WDR33: variants seen among roughly 807,000 people sequenced by gnomAD.
The protein encoded by WDR33 is WD repeat domain 33.
A neutral mutation model predicts 164.9 loss-of-function variants in WDR33; 47 were observed. That is an observed-to-expected ratio of 0.29 (90% CI 0.23 to 0.36). The LOEUF (loss-of-function observed/expected upper bound fraction) is 0.36, where lower values mean the gene tolerates loss of function less well. WDR33 is among the 10% of genes least tolerant of loss of function. The probability of loss-of-function intolerance (pLI) is 1.00; values close to 1 mark genes in which losing one functional copy is unlikely to be tolerated. For synonymous variants in WDR33, 505 were observed against 589.0 expected (o/e 0.86, Z 2.06); for missense variants, 1,137 against 1,754.1 (o/e 0.65, Z 6.28).
Position 127,768,969 on chromosome 2 carries a change from C to G in WDR33, c.237G>C (p.Met79Ile), listed in dbSNP as rs754170154. The change falls in exon 3 of 22, where the codon ATG becomes ATC. Residue 79 changes from methionine (M) to isoleucine (I), a missense_variant. Physicochemically the swap from Met to Ile is conservative, Grantham distance 10. Transcript: ENST00000322313. ...AACCTGCATCAGGCTGAATTGCCCG[C>G]ATATCTCTCTGGTCTCTTTGCCATA... ...NRIWQRDQRD[M>I]RAIQPDAGYY... The G allele has an allele frequency of 1.3e-6, 2 of 1,586,420 alleles. No individual in the cohort carries two copies. The highest frequency in any genetic ancestry group is 1.7e-6 in the Non-Finnish European group (2 of 1,167,678).
intron 4 of WDR33, among the ~76,000 whole-genome samples, chr2:127,765,609 A>G (rs1383794220): frequency 6.6e-6 from 1 of 152,200 alleles, no homozygotes; most frequent in African/African-American, 2.4e-5. Flanking sequence ...CGATAGACTA[A>G]CATAAATAAG....
chr2:127,739,615 T>C (rs1329252224), intron 7 of WDR33, among the ~76,000 whole-genome samples: 1 of 152,212 alleles, frequency 6.6e-6, no homozygotes, highest in African/African-American at 2.4e-5. Flanking sequence ...AAAATGGAGA[T>C]TATTACCCAA....
intron 1 of WDR33, among the ~76,000 whole-genome samples, chr2:127,799,265 ACTT>A (rs1433198946): frequency 6.6e-6 from 1 of 152,108 alleles, no homozygotes; most frequent in African/African-American, 2.4e-5. Context: ...AAAATTGGAA[ACTT>A]CTTTGCTTCA....
rs896473849 is a variant in WDR33 at position 127,710,806 on chromosome 2, C to A, written c.3309-950G>T. 6.6e-6 allele frequency among the ~76,000 whole-genome samples: 1 copy of A among 152,188 alleles called. No homozygotes were observed. The highest frequency in any genetic ancestry group is 2.4e-5 in the African/African-American group (1 of 41,450). ...TCTTCCTCAGGTTTCCATTCCATTG[C>A]CTTTATCCTAATCTTCTACTTGGAA... On this transcript the variant is annotated intron_variant, in intron 18 of 21. Coordinates refer to ENST00000322313, the MANE Select transcript of WDR33 (RefSeq NM_018383.5). The surrounding 1 kb of genome is among the most constrained non-coding windows in gnomAD (Gnocchi z 4.4).
Position 127,763,674 on chromosome 2 carries a change from T to C in WDR33, c.627-515A>G. Reference sequence around the variant, plus strand: ...GTTTCTCATCCATTTCAAAGGTCTGTAGAAAAGTTTCACATCTTCCTGGCA... The same window carrying C: ...GTTTCTCATCCATTTCAAAGGTCTGCAGAAAAGTTTCACATCTTCCTGGCA... On this transcript the variant is annotated intron_variant, in intron 6 of 21. Transcript: ENST00000322313. The surrounding 1 kb of genome is among the most constrained non-coding windows in gnomAD (Gnocchi z 4.5). The C allele has an allele frequency of 1.0e-6, 1 of 985,844 alleles. No homozygotes were observed. Among genetic ancestry groups the C allele is most frequent in the Non-Finnish European group, 1.2e-6 (1 of 830,262 alleles). The allele number at this position is 985,844 out of a possible 1,614,324, so 61.1% of individuals were successfully genotyped here.
Position 127,709,734 on chromosome 2 carries a change from C to A in WDR33, c.3431G>T (p.Arg1144Leu). The change falls in exon 19 of 22, where the codon CGA becomes CTA. Residue 1144 changes from arginine to leucine, a missense_variant. Physicochemically the swap from Arg to Leu is moderately radical, Grantham distance 102. Around this residue, in one of 9 missense-constraint regions of WDR33, gnomAD observed 867 missense variants for 1,073.0 expected, o/e 0.81. Transcript: ENST00000322313. The surrounding 1 kb of genome is among the most constrained non-coding windows in gnomAD (Gnocchi z 5.0). ...ENFDASEEAARGRDLRGRGRG... is the reference protein window; with the variant it reads ...ENFDASEEAALGRDLRGRGRG... Reference sequence around the variant, plus strand: ...ACCTCGACCTCTGAGATCTCGTCCTCGGGCCGCTTCCTCAGAAGCATCAAA... The same window carrying A: ...ACCTCGACCTCTGAGATCTCGTCCTAGGGCCGCTTCCTCAGAAGCATCAAA... 6.2e-7 allele frequency: 1 copy of A among 1,614,242 alleles called. No individual in the cohort carries two copies. Among genetic ancestry groups the A allele is most frequent in the Non-Finnish European group, 8.5e-7 (1 of 1,180,054 alleles).
intron 7 of WDR33, chr2:127,737,698 A>T: frequency 9.1e-7 from 1 of 1,095,336 alleles, no homozygotes; most frequent in South Asian, 3.4e-5. Context: ...ACCAAGAAGG[A>T]AAACAAAAGA....
chr2:127,719,546 T>C lies in WDR33; in HGVS notation c.2479A>G (p.Met827Val). The C allele has an allele frequency of 1.2e-6, 2 of 1,613,694 alleles. No individual in the cohort carries two copies. Among genetic ancestry groups the C allele is most frequent in the Non-Finnish European group, 1.7e-6 (2 of 1,179,910 alleles). ...CCTCGGATCTCCTGAGGACCTCTCA[T>C]TTCCTGAGGGCCGTGTCCCAGTAGT... ...GGLLGHGPQEMRGPQEIRGMQ... is the reference protein window; with the variant it reads ...GGLLGHGPQEVRGPQEIRGMQ... The change falls in exon 16 of 22, where the codon ATG becomes GTG. Residue 827 changes from methionine (M) to valine (V), a missense_variant. Coordinates refer to ENST00000322313, the MANE Select transcript of WDR33 (RefSeq NM_018383.5). This position sits in a 1 kb window ranked among gnomAD's most constrained non-coding sequence, Gnocchi z 6.5.
Position 127,718,779 on chromosome 2 carries a change from T to G in WDR33, c.2760+486A>C, listed in dbSNP as rs1686355682. Among the ~76,000 whole-genome samples, 1 of 152,204 alleles carries G rather than the reference T, an allele frequency of 6.6e-6. No individual in the cohort carries two copies. Among genetic ancestry groups the G allele is most frequent in the African/African-American group, 2.4e-5 (1 of 41,462 alleles). On this transcript the variant is annotated intron_variant, in intron 16 of 21. Coordinates refer to ENST00000322313, the MANE Select transcript of WDR33 (RefSeq NM_018383.5). The surrounding 1 kb of genome is among the most constrained non-coding windows in gnomAD (Gnocchi z 4.4). ...AGGTACAGAGTCTATAGTATACTCA[T>G]GAGTTAAATATCCCATCCTATCTTT...
At chr2:127,809,031 C>CAAAA (rs11305287) in intron 1 of WDR33, among the ~76,000 whole-genome samples, 12 of 84,906 alleles carry the variant, frequency 1.4e-4, no homozygotes, top group African/African-American at 1.9e-4. Flanking sequence ...ACTCTTGTCT[C>CAAAA]AAAAAAAAAA....
chr2:127,742,871 AAAC>A (rs1472448029), intron 7 of WDR33, among the ~76,000 whole-genome samples: 26 of 151,164 alleles, frequency 1.7e-4, no homozygotes, highest in African/African-American at 5.6e-4. Flanking sequence ...AAAAAAAAAA[AAAC>A]AAAAAAAAAC....
At position 127,728,312 on chromosome 2, in the gene WDR33, T is replaced by A. The variant is rs978844185; in HGVS notation, c.725-1535A>T. 2.8e-4 allele frequency among the ~76,000 whole-genome samples: 42 copies of A among 152,130 alleles called. 1 individual carries two copies. The highest frequency in any genetic ancestry group is 9.7e-4 in the African/African-American group (40 of 41,438). On this transcript the variant is annotated intron_variant, in intron 7 of 21. Transcript: ENST00000322313. ...TGATTAAAATGTTCATAATTTATTT[T>A]AAAAAAATACACCAGTGTATACCAT...
At chr2:127,801,093 C>T (rs1689221192) in intron 1 of WDR33, among the ~76,000 whole-genome samples, 1 of 147,404 alleles carries the variant, frequency 6.8e-6, no homozygotes, top group African/African-American at 2.5e-5. Context: ...ATAGTGAGAC[C>T]CTGTCTCTAG....
At position 127,709,716 on chromosome 2, in the gene WDR33, C is replaced by T; in HGVS notation, c.3449G>A (p.Gly1150Asp). The T allele has an allele frequency of 6.2e-7, 1 of 1,614,264 alleles. No individual in the cohort carries two copies. Among genetic ancestry groups the T allele is most frequent in the South Asian group, 1.1e-5 (1 of 91,090 alleles). ...EEAARGRDLR[G>D]RGRGTPRGGR... Reference sequence around the variant, plus strand: ...ACCTCGTGGGGTACCCCGACCTCGACCTCTGAGATCTCGTCCTCGGGCCGC... The same window carrying T: ...ACCTCGTGGGGTACCCCGACCTCGATCTCTGAGATCTCGTCCTCGGGCCGC... Residue 1150 changes from glycine (G) to aspartate (D), a missense_variant, in exon 19 of 22, where the codon GGT (glycine) becomes GAT (aspartate). Coordinates refer to ENST00000322313, the MANE Select transcript of WDR33 (RefSeq NM_018383.5). The surrounding 1 kb of genome is among the most constrained non-coding windows in gnomAD (Gnocchi z 5.0).
chr2:127,731,538 T>C (rs1376742092), intron 7 of WDR33, among the ~76,000 whole-genome samples: 3 of 152,158 alleles, frequency 2.0e-5, no homozygotes, highest in Non-Finnish European at 2.9e-5. Context: ...CCAAGATTTA[T>C]GTACAAAGAT....
Position 127,721,627 on chromosome 2 carries a change from T to G in WDR33, c.1671+209A>C, listed in dbSNP as rs564800420. Among the ~76,000 whole-genome samples the G allele has an allele frequency of 3.3e-5, 5 of 152,132 alleles. No homozygotes were observed. The South Asian group carries it at 1.0e-3, about 32-fold the overall frequency. ...GACTCTGTCTCTAAAATAAAATAAATAAAACAAAATACATAAATAACACAT... is the reference window on the plus strand; with the variant it reads ...GACTCTGTCTCTAAAATAAAATAAAGAAAACAAAATACATAAATAACACAT... On this transcript the variant is annotated intron_variant, in intron 15 of 21. Coordinates refer to ENST00000322313, the MANE Select transcript of WDR33 (RefSeq NM_018383.5). This position sits in a 1 kb window ranked among gnomAD's most constrained non-coding sequence, Gnocchi z 4.9.
chr2:127,799,751 AG>A (rs1689171511), intron 1 of WDR33, among the ~76,000 whole-genome samples: 1 of 152,352 alleles, frequency 6.6e-6, no homozygotes, highest in African/African-American at 2.4e-5. Flanking sequence ...GATGAGCACC[AG>A]GAACAGTGGT....
At chr2:127,777,164 G>A (rs537117845) in intron 1 of WDR33, among the ~76,000 whole-genome samples, 1 of 152,348 alleles carries the variant, frequency 6.6e-6, no homozygotes, top group South Asian at 2.1e-4. Flanking sequence ...ACAAGAATCT[G>A]TGTGAAACAC....
chr2:127,762,582 C>T (rs1035167339), intron 7 of WDR33: 13 of 985,566 alleles, frequency 1.3e-5, no homozygotes, highest in African/African-American at 5.2e-5. Flanking sequence ...AGTAACAAGC[C>T]GGCCATGTAG....
Sources: gnomAD v4.1 joint callset for allele counts (sites outside exome capture counted in the v4.1 genomes callset) on GRCh38, gnomAD v4.1.1 for gene constraint, gnomAD v4.1.1 regional missense constraint, Gnocchi (gnomAD v3.1) non-coding constraint, MANE v1.5 for transcripts, NCBI Gene and HGNC (gene_info 2026-07-23, HGNC 2026-07-21) for gene names.